EEF1AKMT2: variants seen among roughly 807,000 people sequenced by gnomAD.
EEF1AKMT2 encodes the protein EEF1A lysine methyltransferase 2.
In EEF1AKMT2, 32 loss-of-function variants were observed where a neutral mutation model predicts 35.8. The ratio of observed to expected loss-of-function variants is 0.89; its 90% CI spans 0.67 to 1.20. EEF1AKMT2 has a LOEUF of 1.20. Ranked by LOEUF, EEF1AKMT2 falls within the 50% of genes most tolerant of loss-of-function variation. The pLI is 0.00. For missense variants in EEF1AKMT2, 330 were observed against 347.5 expected, an observed-to-expected ratio of 0.95 and a Z score of 0.40; for synonymous variants, 121 against 133.7, an observed-to-expected ratio of 0.91 and a Z score of 0.65.
rs750256425 is a variant in EEF1AKMT2 at position 124,760,400 on chromosome 10, G to A, written c.*103C>T. ...TGTGTAGCTACCTGAATTCGTCCAA[G>A]AAAAAGTCTCACATTTTTTGGAAAA... is the stretch of plus-strand genomic sequence containing the variant. On this transcript the variant is annotated 3_prime_UTR_variant, in exon 7 of 7. Coordinates refer to ENST00000368836, the MANE Select transcript of EEF1AKMT2 (RefSeq NM_212554.4). The A allele has an allele frequency of 1.2e-6, 2 of 1,601,772 alleles. No individual in the cohort carries two copies. The highest frequency in any genetic ancestry group is 2.2e-5 in the South Asian group (2 of 90,648).
chr10:124,764,533 C>T (rs1389709045), intron 5 of EEF1AKMT2, among the ~76,000 whole-genome samples: 1 of 152,190 alleles, frequency 6.6e-6, no homozygotes, highest in Admixed American at 6.5e-5. Context: ...GTAGATACTG[C>T]ACTAATTACA....
intron 3 of EEF1AKMT2, among the ~76,000 whole-genome samples, chr10:124,783,362 T>A (rs912837980): frequency 2.0e-5 from 3 of 152,112 alleles, no homozygotes; most frequent in Non-Finnish European, 4.4e-5. Flanking sequence ...CAGGGTGGTC[T>A]CAAACTGCTG....
Position 124,774,668 on chromosome 10 carries a change from T to C in EEF1AKMT2, c.399+7A>G, listed in dbSNP as rs1950472973. On this transcript the variant is annotated splice_region_variant and intron_variant, in intron 4 of 6. Coordinates refer to ENST00000368836, the MANE Select transcript of EEF1AKMT2 (RefSeq NM_212554.4). ...GTAAATATTATAGTAATATAAATAA[T>C]AGTTACCTTTAACTTAATGTTAGAT... 4 of 1,308,092 alleles carry C rather than the reference T, an allele frequency of 3.1e-6. No homozygotes were observed. The highest frequency in any genetic ancestry group is 4.1e-6 in the Non-Finnish European group (4 of 983,996). 81.0% of individuals were successfully genotyped at this position (1,308,092 alleles called of 1,614,324 possible).
chr10:124,760,394 G>C lies in EEF1AKMT2; in HGVS notation c.*109C>G. On this transcript the variant is annotated 3_prime_UTR_variant, in exon 7 of 7. Transcript: ENST00000368836. ...AGATTCTGTGTAGCTACCTGAATTC[G>C]TCCAAGAAAAAGTCTCACATTTTTT... The C allele has an allele frequency of 6.3e-7, 1 of 1,580,020 alleles. No homozygotes were observed. Among genetic ancestry groups the C allele is most frequent in the Non-Finnish European group, 8.7e-7 (1 of 1,152,318 alleles).
Position 124,760,497 on chromosome 10 carries a change from T to C in EEF1AKMT2, c.*6A>G, listed in dbSNP as rs765334664. 6.2e-7 allele frequency: 1 copy of C among 1,612,896 alleles called. No homozygotes were observed. The highest frequency in any genetic ancestry group is 8.5e-7 in the Non-Finnish European group (1 of 1,179,198). ...GGGTGTTGGTAGCTCTTCGAGAAGT[T>C]CAAATCCTGTCAGACAAAATTTAAA... On this transcript the variant is annotated 3_prime_UTR_variant, in exon 7 of 7. Transcript: ENST00000368836.
At chr10:124,768,081 TG>T (rs1950395234) in intron 4 of EEF1AKMT2, among the ~76,000 whole-genome samples, 2 of 152,192 alleles carry the variant, frequency 1.3e-5, no homozygotes, top group Admixed American at 6.5e-5. Context: ...TGCTAAGATC[TG>T]GGGCAAGAAT....
chr10:124,765,031 A>G (rs1250274583), intron 5 of EEF1AKMT2, among the ~76,000 whole-genome samples: 1 of 152,158 alleles, frequency 6.6e-6, no homozygotes, highest in African/African-American at 2.4e-5. Context: ...TCTCCTAAGT[A>G]GCTGGGACTA....
rs1950613282 is a variant in EEF1AKMT2 at position 124,789,141 on chromosome 10, T to C, written c.193A>G (p.Met65Val). ...TGCATCCACCTTATTAGTCGATTCATACTCTCTTCTCCAAACCTGTTAGAG... is the reference window on the plus strand; with the variant it reads ...TGCATCCACCTTATTAGTCGATTCACACTCTCTTCTCCAAACCTGTTAGAG... ...TGEIWFGEES[M>V]NRLIRWMQKH... Residue 65 changes from methionine (M) to valine (V), a missense_variant, in exon 3 of 7, where the codon ATG becomes GTG. Met to Val is a conservative substitution (Grantham distance 21). Transcript: ENST00000368836. The C allele has an allele frequency of 6.2e-7, 1 of 1,612,386 alleles. No homozygotes were observed. The highest frequency in any genetic ancestry group is 1.7e-5 in the Admixed American group (1 of 59,982).
chr10:124,762,722 C>A (rs188372427), intron 5 of EEF1AKMT2, among the ~76,000 whole-genome samples, 164 bp from the exon 6 acceptor site: 8 of 152,110 alleles, frequency 5.3e-5, no homozygotes, highest in Admixed American at 2.6e-4. Flanking sequence ...AAAAGCTTAT[C>A]GTAAGAAAAC....
intron 3 of EEF1AKMT2, among the ~76,000 whole-genome samples, chr10:124,785,505 A>T (rs1950576821): frequency 6.6e-6 from 1 of 152,198 alleles, no homozygotes; most frequent in African/African-American, 2.4e-5. Flanking sequence ...CTGGTGAAGA[A>T]CTTATATCCA....
chr10:124,766,708 G>C (rs1172874736), intron 4 of EEF1AKMT2, among the ~76,000 whole-genome samples: 2 of 152,138 alleles, frequency 1.3e-5, no homozygotes, highest in African/African-American at 4.8e-5. Flanking sequence ...CATGTCCAAA[G>C]TATTCATTAT....
intron 3 of EEF1AKMT2, among the ~76,000 whole-genome samples, chr10:124,779,081 T>C (rs2134135494): frequency 6.6e-6 from 1 of 152,110 alleles, no homozygotes; most frequent in East Asian, 1.9e-4. Flanking sequence ...ATAAGTTTAC[T>C]TGCCAAAAAA....
At chr10:124,789,343 A>C (rs983870894) in intron 2 of EEF1AKMT2, among the ~76,000 whole-genome samples, 186 bp from the exon 3 acceptor site, 1 of 152,236 alleles carries the variant, frequency 6.6e-6, no homozygotes, top group Non-Finnish European at 1.5e-5. Context: ...AGAATAGACA[A>C]GGTCAGTATG....
chr10:124,765,925 C>A (rs984459217), intron 4 of EEF1AKMT2: 1 of 190,366 alleles, frequency 5.3e-6, no homozygotes, highest in East Asian at 1.3e-4. Context: ...TTATGAAAAA[C>A]CTGTTTCTGT....
Position 124,762,293 on chromosome 10 carries a change from C to A in EEF1AKMT2, c.875+7G>T. On this transcript the variant is annotated splice_region_variant and intron_variant, in intron 6 of 6. Coordinates refer to ENST00000368836, the MANE Select transcript of EEF1AKMT2 (RefSeq NM_212554.4). Reference sequence around the variant, plus strand: ...TAAAAAATAAATAAAGCTGGAAGGTCACTTACTAAAATGCCAACGAGGGCC... The same window carrying A: ...TAAAAAATAAATAAAGCTGGAAGGTAACTTACTAAAATGCCAACGAGGGCC... 1 of 1,062,276 alleles carries A rather than the reference C, an allele frequency of 9.4e-7. No homozygotes were observed. The highest frequency in any genetic ancestry group is 1.7e-5 in the African/African-American group (1 of 59,902). 65.8% of individuals were successfully genotyped at this position (1,062,276 alleles called of 1,614,324 possible).
chr10:124,788,710 T>TTATATATATATATATATATATATG (rs146577563), intron 3 of EEF1AKMT2, among the ~76,000 whole-genome samples: 2 of 92,506 alleles, frequency 2.2e-5, no homozygotes, highest in Non-Finnish European at 4.8e-5. Flanking sequence ...AAGGTCATCT[T>TTATATATATATATATATATATATG]TATATATATA....
chr10:124,760,425 A>G lies in EEF1AKMT2; in HGVS notation c.*78T>C, dbSNP rs1950320981. On this transcript the variant is annotated 3_prime_UTR_variant, in exon 7 of 7. Transcript: ENST00000368836. Reference sequence around the variant, plus strand: ...GAAAAAGTCTCACATTTTTTGGAAAACCAATGCTGCTACACTGTTTCCAGA... The same window carrying G: ...GAAAAAGTCTCACATTTTTTGGAAAGCCAATGCTGCTACACTGTTTCCAGA... The G allele has an allele frequency of 3.1e-6, 5 of 1,612,358 alleles. No homozygotes were observed. In the South Asian group the frequency reaches 4.4e-5, roughly 14 times the overall value.
chr10:124,775,734 G>A (rs1401507148), intron 3 of EEF1AKMT2, among the ~76,000 whole-genome samples: 2 of 152,042 alleles, frequency 1.3e-5, no homozygotes, highest in African/African-American at 4.8e-5. Context: ...CTTTCTACAG[G>A]TAGATTGCTC....
chr10:124,758,291 A>G lies in EEF1AKMT2; in HGVS notation c.*2212T>C, dbSNP rs1337001862. The G allele has an allele frequency of 6.6e-6, 1 of 152,216 alleles. No individual in the cohort carries two copies. The highest frequency in any genetic ancestry group is 1.5e-5 in the Non-Finnish European group (1 of 68,038). 9.4% of individuals were successfully genotyped at this position (152,216 alleles called of 1,614,324 possible). On this transcript the variant is annotated 3_prime_UTR_variant, in exon 7 of 7. Coordinates refer to ENST00000368836, the MANE Select transcript of EEF1AKMT2 (RefSeq NM_212554.4). Reference sequence around the variant, plus strand: ...ACAATTTAACAATACTAAGTTAAATAATGTATTTATGGTTTGTTTCAGGAA... The same window carrying G: ...ACAATTTAACAATACTAAGTTAAATGATGTATTTATGGTTTGTTTCAGGAA...
Sources: allele counts gnomAD v4.1 joint callset (sites outside exome capture counted in the v4.1 genomes callset), GRCh38; gene constraint gnomAD v4.1.1; transcripts MANE v1.5; gene names NCBI Gene and HGNC (gene_info 2026-07-23, HGNC 2026-07-21).